The following MAD2L1BP variants were observed in gnomAD, a reference collection of about 807,000 sequenced individuals.
MAD2L1BP encodes the protein MAD2L1 binding protein, also known as MAD2L1-binding protein.
In MAD2L1BP, 22 loss-of-function variants were observed where a neutral mutation model predicts 28.4. The ratio of observed to expected loss-of-function variants is 0.77; its 90% CI spans 0.55 to 1.10. MAD2L1BP has a LOEUF of 1.10. MAD2L1BP is among the 50% of genes least tolerant of loss of function. The probability of loss-of-function intolerance (pLI) is 0.00; values close to 1 mark genes in which losing one functional copy is unlikely to be tolerated. For missense variants in MAD2L1BP, 325 were observed against 350.5 expected (o/e 0.93, Z 0.58); for synonymous variants, 146 against 133.7 (o/e 1.09, Z -0.63).
exon 1 of MAD2L1BP, chr6:43,629,699 T>C: frequency 1.9e-6 from 3 of 1,546,418 alleles, no homozygotes; most frequent in Non-Finnish European, 2.6e-6. Flanking sequence ...GAACTGAGGC[T>C]ACTGGTGCCG....
At position 43,640,663 on chromosome 6, in the gene MAD2L1BP, C is replaced by T. The variant is rs965347066; in HGVS notation, c.*130C>T. 2.4e-5 allele frequency: 23 copies of T among 966,238 alleles called. No homozygotes were observed. The highest frequency in any genetic ancestry group is 3.3e-5 in the Non-Finnish European group (22 of 672,238). The allele number at this position is 966,238 out of a possible 1,614,324, so 59.9% of individuals were successfully genotyped here. A position where few individuals can be genotyped will look rare whatever the true frequency, so the allele number is the denominator to read the frequency against. ...AGGAAGCAACTCTCCTTCTGGTTGT[C>T]TGCCTCCCCTCAGATTTCCTGATAG... On this transcript the variant is annotated 3_prime_UTR_variant, in exon 3 of 3. Transcript: ENST00000372171.
rs762009033 is a variant in MAD2L1BP at position 43,636,460 on chromosome 6, T to A, written c.126T>A (p.Pro42=). 1 of 1,614,188 alleles carries A rather than the reference T, an allele frequency of 6.2e-7. No individual in the cohort carries two copies. The highest frequency in any genetic ancestry group is 2.2e-5 in the East Asian group (1 of 44,876). ...ELLETSSTQE[P]LNASEAFCPR... ...TTGAGACAAGCTCTACGCAGGAACC[T>A]CTCAACGCTTCGGAGGCCTTTTGCC... The change falls in exon 2 of 3, where the codon CCT becomes CCA. Residue 42 remains proline, a synonymous_variant. Coordinates refer to ENST00000372171, the MANE Select transcript of MAD2L1BP (RefSeq NM_014628.3).
At chr6:43,636,070 C>A (rs1254700266) in intron 1 of MAD2L1BP, 149 bp downstream of exon 1, 2 of 834,226 alleles carry the variant, frequency 2.4e-6, no homozygotes, top group Non-Finnish European at 3.8e-6. Context: ...GTGACTCCAT[C>A]GCCCTGGGTC....
upstream of MAD2L1BP, chr6:43,635,799 A>G: frequency 7.2e-7 from 1 of 1,392,362 alleles, no homozygotes; most frequent in Non-Finnish European, 9.4e-7. Flanking sequence ...CTGAGCCGGA[A>G]GTGGAGGCGC....
At chr6:43,637,628 T>G (rs981734430) in intron 2 of MAD2L1BP, among the ~76,000 whole-genome samples, 2 of 151,828 alleles carry the variant, frequency 1.3e-5, no homozygotes, top group Non-Finnish European at 2.9e-5. Context: ...ATAGGGAGTT[T>G]CACTCTGTCA....
upstream of MAD2L1BP, among the ~76,000 whole-genome samples, chr6:43,632,697 A>G (rs1311059760): frequency 1.4e-5 from 2 of 140,118 alleles, no homozygotes; most frequent in Non-Finnish European, 3.0e-5. Context: ...TAGAGACAAG[A>G]TCTCACTATG....
chr6:43,636,413 C>T lies in MAD2L1BP; in HGVS notation c.79C>T (p.His27Tyr). The T allele has an allele frequency of 6.2e-7, 1 of 1,614,120 alleles. No homozygotes were observed. Among genetic ancestry groups the T allele is most frequent in the East Asian group, 2.2e-5 (1 of 44,880 alleles). ...LEWYEKSEETHASQIELLETS... is the reference protein window; with the variant it reads ...LEWYEKSEETYASQIELLETS... ...GTGGTATGAGAAGTCCGAAGAAACT[C>T]ACGCCTCCCAGATAGAACTACTTGA... The change falls in exon 2 of 3, where the codon CAC (histidine) becomes TAC (tyrosine). Residue 27 changes from histidine to tyrosine, a missense_variant. Physicochemically the swap from His to Tyr is moderately conservative, Grantham distance 83. Transcript: ENST00000372171.
intron 1 of MAD2L1BP, chr6:43,629,804 G>A: frequency 6.4e-7 from 1 of 1,559,350 alleles, no homozygotes. Context: ...GGAGGCGGAT[G>A]GTGATTAGCC....
At chr6:43,635,713 G>A (rs770475039), upstream of MAD2L1BP, 6 of 624,114 alleles carry the variant, frequency 9.6e-6, no homozygotes, top group African/African-American at 2.0e-5. Context: ...GTTAAAGGAG[G>A]AACGCAGGGT....
intron 1 of MAD2L1BP, among the ~76,000 whole-genome samples, chr6:43,636,122 A>G (rs1412388896): frequency 6.6e-6 from 1 of 152,088 alleles, no homozygotes; most frequent in Admixed American, 6.5e-5. Flanking sequence ...TCATTTCCCC[A>G]GATCAAGTCC....
Position 43,640,278 on chromosome 6 carries a change from C to T in MAD2L1BP, c.570C>T (p.Leu190=), listed in dbSNP as rs1770492079. The part of the protein sequence containing the change: ...SLSTAACLRR[L]FRAIFMADAF... The stretch of plus-strand genomic sequence containing the variant: ...GCACAGCAGCTTGTTTGCGCCGTCT[C>T]TTCCGAGCCATATTCATGGCTGATG... Residue 190 remains leucine, a synonymous_variant, in exon 3 of 3, where the codon CTC becomes CTT. Coordinates refer to ENST00000372171, the MANE Select transcript of MAD2L1BP (RefSeq NM_014628.3). The T allele has an allele frequency of 6.2e-7, 1 of 1,613,486 alleles. No homozygotes were observed. Among genetic ancestry groups the T allele is most frequent in the Non-Finnish European group, 8.5e-7 (1 of 1,179,784 alleles).
At chr6:43,637,306 C>G (rs1211040440) in intron 2 of MAD2L1BP, among the ~76,000 whole-genome samples, 1 of 152,070 alleles carries the variant, frequency 6.6e-6, no homozygotes, top group Non-Finnish European at 1.5e-5. Context: ...CTCAAGTGAT[C>G]TGCCCGCCTT....
intron 2 of MAD2L1BP, among the ~76,000 whole-genome samples, chr6:43,638,089 G>C (rs1473641778): frequency 6.6e-6 from 1 of 151,822 alleles, no homozygotes; most frequent in Admixed American, 6.6e-5. Context: ...GTAGAGACAG[G>C]GTATCGCAAT....
At chr6:43,634,627 C>T (rs1410294149), upstream of MAD2L1BP, among the ~76,000 whole-genome samples, 3 of 152,036 alleles carry the variant, frequency 2.0e-5, no homozygotes, top group Non-Finnish European at 2.9e-5. Flanking sequence ...GTGGTGCGAT[C>T]TCAGCTCACT....
rs1770178805 is a variant in MAD2L1BP at position 43,635,851 on chromosome 6, A to T, written c.-25A>T. On this transcript the variant is annotated 5_prime_UTR_variant, in exon 1 of 3. Coordinates refer to ENST00000372171, the MANE Select transcript of MAD2L1BP (RefSeq NM_014628.3). ...CCCGCGAGACCTTTATTCTAACCGC[A>T]AGGAGTAGCGGAGGGGAGGTCGTGA... The T allele has an allele frequency of 3.4e-6, 5 of 1,466,846 alleles. No homozygotes were observed. The highest frequency in any genetic ancestry group is 4.5e-6 in the Non-Finnish European group (5 of 1,114,576). 90.9% of individuals were successfully genotyped at this position (1,466,846 alleles called of 1,614,324 possible).
At chr6:43,631,657 G>A (rs6938576), upstream of MAD2L1BP, among the ~76,000 whole-genome samples, 18,020 of 151,766 alleles carry the variant, frequency 0.12, 2,459 homozygotes, top group African/African-American at 0.33. Context: ...GCTAATTTTT[G>A]TTTTTATTGT....
upstream of MAD2L1BP, chr6:43,635,794 C>A: frequency 7.3e-7 from 1 of 1,372,242 alleles, no homozygotes; most frequent in Admixed American, 3.6e-5. Flanking sequence ...CCCAACTGAG[C>A]CGGAAGTGGA....
In MAD2L1BP at chr6:43,636,384, T is replaced by G. The variant is rs1179613063; in HGVS notation, c.50T>G (p.Leu17Trp). 1.9e-6 allele frequency: 3 copies of G among 1,613,938 alleles called. No individual in the cohort carries two copies. The highest frequency in any genetic ancestry group is 2.5e-6 in the Non-Finnish European group (3 of 1,179,968). Residue 17 changes from leucine (L) to tryptophan (W), a missense_variant, in exon 2 of 3, where the codon TTG (leucine) becomes TGG (tryptophan). Physicochemically the swap from Leu to Trp is moderately conservative, Grantham distance 61. Coordinates refer to ENST00000372171, the MANE Select transcript of MAD2L1BP (RefSeq NM_014628.3). ...TGTCCCTCTTTTCATCTACCAGATT[T>G]GGAGTGGTATGAGAAGTCCGAAGAA... Reference protein sequence around the residue: ...EVLSSAAVPDLEWYEKSEETH... With the variant: ...EVLSSAAVPDWEWYEKSEETH...
At chr6:43,638,140 C>T (rs955952707) in intron 2 of MAD2L1BP, among the ~76,000 whole-genome samples, 2 of 152,052 alleles carry the variant, frequency 1.3e-5, no homozygotes, top group African/African-American at 2.4e-5. Context: ...TCAAGTGATC[C>T]GCCCGCCTTG....
Sources: gnomAD v4.1 joint callset for allele counts (sites outside exome capture counted in the v4.1 genomes callset) on GRCh38, gnomAD v4.1.1 for gene constraint, MANE v1.5 for transcripts, NCBI Gene and HGNC (gene_info 2026-07-23, HGNC 2026-07-21) for gene names.